Variants in NLGN1 observed in about 807,000 individuals in gnomAD.
NLGN1 encodes neuroligin-1.
A neutral mutation model predicts 65.5 loss-of-function variants in NLGN1; 12 were observed. That is an observed-to-expected ratio of 0.18 (90% confidence interval 0.12 to 0.30). The LOEUF (loss-of-function observed/expected upper bound fraction) is 0.30, where lower values mean the gene tolerates loss of function less well. NLGN1 is among the 10% of genes least tolerant of loss of function. The pLI is 1.00. For synonymous variants in NLGN1, 350 were observed against 359.5 expected, an observed-to-expected ratio of 0.97 and a Z score of 0.30; for missense variants, 750 against 1,007.1, an observed-to-expected ratio of 0.74 and a Z score of 3.46.
intron 3 of NLGN1, among the ~76,000 whole-genome samples, chr3:173,660,909 A>T (rs1760829067): frequency 6.6e-6 from 1 of 152,006 alleles, no homozygotes; most frequent in Non-Finnish European, 1.5e-5. Context: ...AGACTCAAAC[A>T]TTACCTCTTC....
chr3:173,641,478 G>A (rs1757413654), intron 3 of NLGN1, among the ~76,000 whole-genome samples: 1 of 152,084 alleles, frequency 6.6e-6, no homozygotes, highest in Non-Finnish European at 1.5e-5. Context: ...TGTATTTTTA[G>A]TAGAGACAGG....
At chr3:173,666,999 T>C (rs1368205797) in intron 3 of NLGN1, among the ~76,000 whole-genome samples, 1 of 152,132 alleles carries the variant, frequency 6.6e-6, no homozygotes, top group Non-Finnish European at 1.5e-5. Context: ...GGACATAAAA[T>C]ATAAAAAGTA....
chr3:174,187,340 T>C (rs1479155502), intron 4 of NLGN1, among the ~76,000 whole-genome samples: 3 of 151,972 alleles, frequency 2.0e-5, no homozygotes. Context: ...TGCAAAATAA[T>C]ACCAGGTTTT....
intron 4 of NLGN1, among the ~76,000 whole-genome samples, chr3:174,064,067 G>A (rs1045087937): frequency 1.1e-4 from 16 of 152,046 alleles, no homozygotes; most frequent in African/African-American, 2.2e-4. Flanking sequence ...GTTTGAACCC[G>A]GGAGGCAGAG....
intron 4 of NLGN1, among the ~76,000 whole-genome samples, chr3:174,248,087 T>A (rs1285559426): frequency 6.6e-6 from 1 of 152,174 alleles, no homozygotes; most frequent in African/African-American, 2.4e-5. Flanking sequence ...GATTTCTAGC[T>A]CCAACTTCAG....
chr3:173,684,175 C>CA (rs955062160), intron 3 of NLGN1, among the ~76,000 whole-genome samples: 2 of 151,530 alleles, frequency 1.3e-5, no homozygotes, highest in Admixed American at 6.6e-5. Flanking sequence ...ATTAACTTTT[C>CA]AAAAAAAATC....
intron 4 of NLGN1, among the ~76,000 whole-genome samples, chr3:173,918,686 G>T (rs1017929806): frequency 7.4e-6 from 1 of 134,766 alleles, no homozygotes; most frequent in East Asian, 2.2e-4. Context: ...GTGTGTGTGT[G>T]TGTGTGTGTG....
chr3:173,618,583 T>C (rs1302723526), intron 3 of NLGN1, among the ~76,000 whole-genome samples: 4 of 152,148 alleles, frequency 2.6e-5, no homozygotes, highest in Non-Finnish European at 5.9e-5. Context: ...AGAGTGAGAC[T>C]ATATTATATA....
chr3:173,776,892 A>G (rs9868353), intron 3 of NLGN1, among the ~76,000 whole-genome samples: 120,617 of 151,828 alleles, frequency 0.79, 48,856 homozygotes, highest in Non-Finnish European at 0.86. Context: ...TCAACTGAAC[A>G]CACATATCAA....
intron 4 of NLGN1, among the ~76,000 whole-genome samples, chr3:173,821,675 A>G (rs919728214): frequency 1.3e-5 from 2 of 152,160 alleles, no homozygotes; most frequent in Admixed American, 1.3e-4. Context: ...ATTTGGATTT[A>G]TTTTTTGGAA....
In NLGN1 at chr3:173,914,542, C is replaced by G. The variant is rs147695802; in HGVS notation, c.646+106710C>G. Among the ~76,000 whole-genome samples the G allele has an allele frequency of 8.3e-3, 1,158 of 138,838 alleles. 9 individuals carry two copies. The highest frequency in any genetic ancestry group is 0.031 in the African/African-American group (1,087 of 35,172). The allele number at this position is 138,838 out of a possible 152,430, so 91.1% of individuals were successfully genotyped here. A position where few individuals can be genotyped will look rare whatever the true frequency, so the allele number is the denominator to read the frequency against. On this transcript the variant is annotated intron_variant, in intron 4 of 6. Transcript: ENST00000457714. The stretch of plus-strand genomic sequence containing the variant: ...ATACACATACATCTATACATACACA[C>G]ACACACACACACACATATGTATATA...
At chr3:174,160,524 G>C (rs1475285945) in intron 4 of NLGN1, among the ~76,000 whole-genome samples, 1 of 151,316 alleles carries the variant, frequency 6.6e-6, no homozygotes, top group Non-Finnish European at 1.5e-5. Flanking sequence ...CTTTTCTTCA[G>C]TTGCTAACAT....
At chr3:174,047,092 T>C (rs1579982028) in intron 4 of NLGN1, among the ~76,000 whole-genome samples, 1 of 152,114 alleles carries the variant, frequency 6.6e-6, no homozygotes, top group East Asian at 1.9e-4. Context: ...TTGCTATGTT[T>C]ATTATATTTA....
chr3:174,195,208 A>G (rs1733187058), intron 4 of NLGN1, among the ~76,000 whole-genome samples: 1 of 152,182 alleles, frequency 6.6e-6, no homozygotes, highest in South Asian at 2.1e-4. Context: ...CAAACACAGA[A>G]GTCTTGACCT....
chr3:173,595,222 C>T (rs79489115), intron 2 of NLGN1, among the ~76,000 whole-genome samples: 9 of 152,142 alleles, frequency 5.9e-5, no homozygotes, highest in Non-Finnish European at 8.8e-5. Context: ...CCTTGAAAAA[C>T]GGAATGCCTT....
Position 174,279,337 on chromosome 3 carries a change from C to A in NLGN1, c.1336C>A (p.Arg446Ser), listed in dbSNP as rs572529718. 6.2e-7 allele frequency: 1 copy of A among 1,613,270 alleles called. No homozygotes were observed. The highest frequency in any genetic ancestry group is 1.1e-5 in the South Asian group (1 of 91,066). The change falls in exon 6 of 7, where the codon CGT becomes AGT. Residue 446 changes from arginine to serine, a missense_variant. Transcript: ENST00000457714. This position sits in a 1 kb window ranked among gnomAD's most constrained non-coding sequence, Gnocchi z 4.7. ...GTTCATGTATACTGACTGGGCTGAC[C>A]GTCATAACCCTGAAACCAGAAGAAA...
In NLGN1 at chr3:174,245,957, G is replaced by C. The variant is rs184351506; in HGVS notation, c.647-29358G>C. Reference sequence around the variant, plus strand: ...GATTTTCTCTAGCTTCGATAGAATTGTACCCATTGTCAATTTGATTCAATG... The same window carrying C: ...GATTTTCTCTAGCTTCGATAGAATTCTACCCATTGTCAATTTGATTCAATG... On this transcript the variant is annotated intron_variant, in intron 4 of 6. Coordinates refer to ENST00000457714, the Ensembl canonical transcript of NLGN1. 1.2e-4 allele frequency among the ~76,000 whole-genome samples: 19 copies of C among 152,246 alleles called. 1 individual carries two copies. Among genetic ancestry groups the C allele is most frequent in the Admixed American group, 1.1e-3 (17 of 15,288 alleles).
chr3:174,292,504 T>G, the NLGN1 span, among the ~76,000 whole-genome samples: 1 of 145,040 alleles, frequency 6.9e-6, no homozygotes, highest in Non-Finnish European at 1.6e-5. Context: ...AATTCTAAAG[T>G]GAATAATAAT....
At chr3:173,713,163 T>C (rs777054250) in intron 3 of NLGN1, among the ~76,000 whole-genome samples, 4 of 152,170 alleles carry the variant, frequency 2.6e-5, no homozygotes, top group Non-Finnish European at 5.9e-5. Flanking sequence ...CTGAAATTGT[T>C]TTCCAAAAAA....
Sources: gnomAD v4.1 joint callset for allele counts (sites outside exome capture counted in the v4.1 genomes callset) on GRCh38, gnomAD v4.1.1 for gene constraint, Gnocchi (gnomAD v3.1) non-coding constraint, MANE v1.5 for transcripts, NCBI Gene and HGNC (gene_info 2026-07-23, HGNC 2026-07-21) for gene names.